EIF2AK3: variants seen among roughly 807,000 people sequenced by gnomAD.
EIF2AK3 encodes eukaryotic translation initiation factor 2-alpha kinase 3.
A neutral mutation model predicts 113.5 loss-of-function variants in EIF2AK3; 50 were observed. That is an observed-to-expected ratio of 0.44 (90% CI 0.35 to 0.56). The LOEUF is 0.56. EIF2AK3 is among the 20% of genes least tolerant of loss of function. The pLI, the probability that EIF2AK3 is intolerant of heterozygous loss-of-function variation, is 0.00. For synonymous variants in EIF2AK3, 448 were observed against 495.4 expected, an observed-to-expected ratio of 0.90 and a Z score of 1.27; for missense variants, 1,185 against 1,378.0, an observed-to-expected ratio of 0.86 and a Z score of 2.22.
intron 10 of EIF2AK3, among the ~76,000 whole-genome samples, chr2:88,581,851 C>T (rs1484358877): frequency 6.6e-6 from 1 of 152,160 alleles, no homozygotes; most frequent in Non-Finnish European, 1.5e-5. Flanking sequence ...GCTGGTTTGA[C>T]AGAAAGGTAG....
chr2:88,589,513 TAAAA>T (rs1288402296), intron 6 of EIF2AK3, among the ~76,000 whole-genome samples: 3 of 151,586 alleles, frequency 2.0e-5, no homozygotes, highest in African/African-American at 7.3e-5. Flanking sequence ...GATGCACTGA[TAAAA>T]AAGAAAGAAA....
At chr2:88,620,673 G>T (rs1212546021) in intron 1 of EIF2AK3, among the ~76,000 whole-genome samples, 1 of 152,192 alleles carries the variant, frequency 6.6e-6, no homozygotes, top group Non-Finnish European at 1.5e-5. Flanking sequence ...TCCCTGCTCT[G>T]TGCCCTTGCT....
At position 88,561,042 on chromosome 2, in the gene EIF2AK3, C is replaced by T. The variant is rs530543811; in HGVS notation, c.3087+1247G>A. Among the ~76,000 whole-genome samples, 8 of 152,166 alleles carry T rather than the reference C, an allele frequency of 5.3e-5. No homozygotes were observed. The South Asian group carries it at 1.7e-3, about 32-fold the overall frequency. On this transcript the variant is annotated intron_variant, in intron 15 of 16. Transcript: ENST00000303236. ...CAGAGACAGGGTCTTGCTGTGTCGC[C>T]CAGGCTGGAGTGCAGTGGCACAATC...
intron 1 of EIF2AK3, among the ~76,000 whole-genome samples, chr2:88,615,312 C>T (rs1033495879): frequency 5.3e-5 from 8 of 152,306 alleles, no homozygotes; most frequent in Admixed American, 5.2e-4. Context: ...ATCAGTCATT[C>T]CCTACTAGAA....
At chr2:88,582,095 C>A (rs1170069614) in intron 10 of EIF2AK3, among the ~76,000 whole-genome samples, 1 of 152,126 alleles carries the variant, frequency 6.6e-6, no homozygotes, top group Non-Finnish European at 1.5e-5. Context: ...TTCCTGTGAC[C>A]TTATGTTCGG....
chr2:88,627,030 G>C lies in EIF2AK3; in HGVS notation c.245C>G (p.Ala82Gly), dbSNP rs1478508112. The C allele has an allele frequency of 1.9e-6, 3 of 1,603,360 alleles. No individual in the cohort carries two copies. The highest frequency in any genetic ancestry group is 2.5e-6 in the Non-Finnish European group (3 of 1,178,298). ...CGGACCCCGAGGCTCCTGCTCTCCCGCGGCTGCCGGCAGCGCCTCAGCGTC... is the reference window on the plus strand; with the variant it reads ...CGGACCCCGAGGCTCCTGCTCTCCCCCGGCTGCCGGCAGCGCCTCAGCGTC... ...VEDAEALPAA[A>G]GEQEPRGPEP... Residue 82 changes from alanine to glycine, a missense_variant, in exon 1 of 17, where the codon GCG becomes GGG. By Grantham distance (60) the Ala-to-Gly change is moderately conservative. Coordinates refer to ENST00000303236, the MANE Select transcript of EIF2AK3 (RefSeq NM_004836.7).
chr2:88,622,778 T>A (rs1393566560), intron 1 of EIF2AK3, among the ~76,000 whole-genome samples: 3 of 152,090 alleles, frequency 2.0e-5, no homozygotes, highest in African/African-American at 7.2e-5. Context: ...TATTCAAGGG[T>A]CCTAGTAGTT....
chr2:88,564,552 GACAC>G (rs528714550), intron 14 of EIF2AK3, among the ~76,000 whole-genome samples: 6 of 149,134 alleles, frequency 4.0e-5, no homozygotes, highest in Admixed American at 1.3e-4. Flanking sequence ...CCATTTCCAA[GACAC>G]ACACACACAC....
chr2:88,604,541 T>C lies in EIF2AK3; in HGVS notation c.439-8878A>G, dbSNP rs564290776. 5.9e-5 allele frequency among the ~76,000 whole-genome samples: 9 copies of C among 152,302 alleles called. No individual in the cohort carries two copies. In the South Asian group the frequency reaches 1.5e-3, roughly 25 times the overall value. The stretch of plus-strand genomic sequence containing the variant: ...GCCTTGTGCCAGTTACCACACTCAA[T>C]TGCATTATTTGTACTATAATTATTT... On this transcript the variant is annotated intron_variant, in intron 2 of 16. Transcript: ENST00000303236.
chr2:88,627,408 T>C lies in EIF2AK3; in HGVS notation c.-134A>G, dbSNP rs1675900406. ...CCCCGACGGCCTGGACAGCCAGCCG[T>C]GTTCCCCTGGCCACGTCTCAGCCCG... On this transcript the variant is annotated 5_prime_UTR_variant, in exon 1 of 17. Coordinates refer to ENST00000303236, the MANE Select transcript of EIF2AK3 (RefSeq NM_004836.7). The C allele has an allele frequency of 1.7e-6, 2 of 1,147,186 alleles. No homozygotes were observed. The highest frequency in any genetic ancestry group is 3.2e-4 in the Middle Eastern group (1 of 3,112). The allele number at this position is 1,147,186 out of a possible 1,614,324, so 71.1% of individuals were successfully genotyped here. A position where few individuals can be genotyped will look rare whatever the true frequency, so the allele number is the denominator to read the frequency against.
chr2:88,591,293 C>T (rs538363855), intron 4 of EIF2AK3, among the ~76,000 whole-genome samples: 1 of 152,272 alleles, frequency 6.6e-6, no homozygotes, highest in East Asian at 1.9e-4. Context: ...GTGTCCCTTA[C>T]AACAGCTAAG....
At chr2:88,586,591 T>A (rs946413131) in intron 8 of EIF2AK3, among the ~76,000 whole-genome samples, 2 of 150,804 alleles carry the variant, frequency 1.3e-5, no homozygotes. Flanking sequence ...CTCTTTTATC[T>A]TGCCTTTTTT....
Position 88,587,990 on chromosome 2 carries a change from T to A in EIF2AK3, c.1421A>T (p.Tyr474Phe). The change falls in exon 8 of 17, where the codon TAT (tyrosine) becomes TTT (phenylalanine). Residue 474 changes from tyrosine to phenylalanine, a missense_variant. Physicochemically the swap from Tyr to Phe is conservative, Grantham distance 22. Around this residue, in one of 3 missense-constraint regions of EIF2AK3, gnomAD observed 877 missense variants for 1,024.2 expected, o/e 0.86. Coordinates refer to ENST00000303236, the MANE Select transcript of EIF2AK3 (RefSeq NM_004836.7). The stretch of plus-strand genomic sequence containing the variant: ...TCAGTATTTTCACTTACCATATGGA[T>A]ACTGCAAGATTGAAAGTGCACCATT... ...YSNGALSILQ[Y>F]PYDNGYYLPY... The A allele has an allele frequency of 1.3e-6, 2 of 1,572,864 alleles. No homozygotes were observed. Among genetic ancestry groups the A allele is most frequent in the Non-Finnish European group, 1.7e-6 (2 of 1,151,372 alleles).
intron 1 of EIF2AK3, among the ~76,000 whole-genome samples, chr2:88,617,146 A>G (rs989825694): frequency 1.3e-5 from 2 of 152,244 alleles, no homozygotes; most frequent in Non-Finnish European, 2.9e-5. Flanking sequence ...GCTAAAAAAC[A>G]AAGTCCTCAG....
chr2:88,621,828 C>T lies in EIF2AK3; in HGVS notation c.308+5139G>A, dbSNP rs375103505. Among the ~76,000 whole-genome samples, 40 of 151,922 alleles carry T rather than the reference C, an allele frequency of 2.6e-4. No individual in the cohort carries two copies. The South Asian group carries it at 7.7e-3, about 29-fold the overall frequency. On this transcript the variant is annotated intron_variant, in intron 1 of 16. Transcript: ENST00000303236. The stretch of plus-strand genomic sequence containing the variant: ...TTCAGTGGTACAGGTTTAACATAAG[C>T]GTAACAGATATCCTTTTCCTGTTAC...
At chr2:88,559,121 C>G (rs958419827) in intron 15 of EIF2AK3, 142 bp from the exon 16 acceptor site, 5 of 597,078 alleles carry the variant, frequency 8.4e-6, no homozygotes, top group Non-Finnish European at 1.5e-5. Context: ...GATTTAATAA[C>G]TACATATGTT....
intron 6 of EIF2AK3, 106 bp downstream of exon 6, chr2:88,590,337 T>C: frequency 9.1e-7 from 1 of 1,104,542 alleles, no homozygotes; most frequent in Admixed American, 1.7e-5. Context: ...GAGATGATAT[T>C]AGGATTTAAA....
intron 13 of EIF2AK3, among the ~76,000 whole-genome samples, chr2:88,573,790 G>C (rs911761011): frequency 6.6e-6 from 1 of 152,092 alleles, no homozygotes; most frequent in Admixed American, 6.6e-5. Context: ...CTACTTTTGT[G>C]CCTGAAACAA....
intron 16 of EIF2AK3, 79 bp from the exon 17 acceptor site, chr2:88,558,015 A>C: frequency 7.2e-7 from 1 of 1,381,966 alleles, no homozygotes; most frequent in Non-Finnish European, 1.0e-6. Context: ...TGCTGGCAAA[A>C]TATTTCTGTA....
Sources: allele counts gnomAD v4.1 joint callset (sites outside exome capture counted in the v4.1 genomes callset), GRCh38; gene constraint gnomAD v4.1.1; regional missense constraint gnomAD v4.1.1; transcripts MANE v1.5; gene names NCBI Gene and HGNC (gene_info 2026-07-23, HGNC 2026-07-21).